The following GRK5 variants were observed in gnomAD, a reference collection of about 807,000 sequenced individuals.
The protein encoded by GRK5 is g protein-coupled receptor kinase GRK5.
Under a neutral mutation model 78.4 loss-of-function variants are expected in GRK5, and 40 were observed. The ratio of observed to expected loss-of-function variants is 0.51; its 90% CI spans 0.40 to 0.66. GRK5 has a LOEUF of 0.66. Among genes scored for constraint, GRK5 ranks in the 30% least tolerant of loss-of-function variants. The probability of loss-of-function intolerance (pLI) is 0.00; values close to 1 mark genes in which losing one functional copy is unlikely to be tolerated. For missense variants in GRK5, 598 were observed against 759.9 expected, an observed-to-expected ratio of 0.79 and a Z score of 2.50; for synonymous variants, 289 against 296.8, an observed-to-expected ratio of 0.97 and a Z score of 0.27.
At chr10:119,252,550 AC>A (rs1849221151) in intron 1 of GRK5, among the ~76,000 whole-genome samples, 1 of 151,818 alleles carries the variant, frequency 6.6e-6, no homozygotes, top group Non-Finnish European at 1.5e-5. Context: ...TTTTAGTTCT[AC>A]CCCGGGTAGC....
At chr10:119,329,404 C>T (rs929650594) in intron 2 of GRK5, among the ~76,000 whole-genome samples, 22 of 152,082 alleles carry the variant, frequency 1.4e-4, no homozygotes, top group African/African-American at 5.3e-4. Context: ...GGCTGGGGAC[C>T]TCGAGCCATG....
intron 3 of GRK5, among the ~76,000 whole-genome samples, chr10:119,392,318 T>G (rs1435514984): frequency 6.6e-6 from 1 of 152,232 alleles, no homozygotes; most frequent in Non-Finnish European, 1.5e-5. Flanking sequence ...TAAATCACAA[T>G]GCAGGGAGAA....
chr10:119,208,013 C>T, intron 1 of GRK5, 44 bp downstream of exon 1: 1 of 1,581,046 alleles, frequency 6.3e-7, no homozygotes, highest in South Asian at 1.1e-5. Flanking sequence ...CCGCCGCGGG[C>T]CAGGGTGCGG....
intron 1 of GRK5, among the ~76,000 whole-genome samples, chr10:119,214,015 C>T (rs1589682304): frequency 6.6e-6 from 1 of 152,168 alleles, no homozygotes. Flanking sequence ...TGCTCTGTCG[C>T]GCAGGCTAGA....
chr10:119,358,583 C>A (rs1265993089), intron 2 of GRK5, among the ~76,000 whole-genome samples: 1 of 152,176 alleles, frequency 6.6e-6, no homozygotes, highest in Non-Finnish European at 1.5e-5. Context: ...CTTCCACAGG[C>A]CTCTCAGGGA....
At chr10:119,257,241 T>C (rs1350300436) in intron 1 of GRK5, among the ~76,000 whole-genome samples, 3 of 152,224 alleles carry the variant, frequency 2.0e-5, no homozygotes, top group East Asian at 3.8e-4. Context: ...TGGTCAGTGT[T>C]CTCCACCTGT....
At chr10:119,441,901 A>C in intron 10 of GRK5, 98 bp from the exon 11 acceptor site, 1 of 889,264 alleles carries the variant, frequency 1.1e-6, no homozygotes, top group Non-Finnish European at 1.9e-6. Flanking sequence ...GACAGATGAG[A>C]ATGCCGAGAG....
chr10:119,233,243 A>G (rs999595598), intron 1 of GRK5, among the ~76,000 whole-genome samples: 1 of 151,744 alleles, frequency 6.6e-6, no homozygotes, highest in African/African-American at 2.4e-5. Flanking sequence ...TTGGGGGACC[A>G]CTCCTCCCTG....
chr10:119,373,369 C>A (rs1589770784), intron 2 of GRK5, among the ~76,000 whole-genome samples: 1 of 152,120 alleles, frequency 6.6e-6, no homozygotes, highest in East Asian at 1.9e-4. Flanking sequence ...TGGGAGGGAC[C>A]TGTTGGGAGG....
At chr10:119,275,606 C>CTG (rs1849656546) in intron 1 of GRK5, among the ~76,000 whole-genome samples, 1 of 137,826 alleles carries the variant, frequency 7.3e-6, no homozygotes, top group Admixed American at 7.7e-5. Flanking sequence ...CTCTCTCTCT[C>CTG]TCTCTCGCAC....
At chr10:119,304,254 G>GCAA (rs1850234409) in intron 1 of GRK5, among the ~76,000 whole-genome samples, 1 of 150,976 alleles carries the variant, frequency 6.6e-6, no homozygotes, top group Non-Finnish European at 1.5e-5. Context: ...GGAAAGCAGG[G>GCAA]CAACAGCAGT....
At chr10:119,344,930 C>CTTCCTTCCTTCCTTCT (rs1313368036) in intron 2 of GRK5, among the ~76,000 whole-genome samples, 53 of 135,582 alleles carry the variant, frequency 3.9e-4, no homozygotes, top group African/African-American at 1.4e-3. Flanking sequence ...TCCTTCCTTC[C>CTTCCTTCCTTCCTTCT]TTCCTTTTCC....
In GRK5 at chr10:119,443,738, T is replaced by C; in HGVS notation, c.1252T>C (p.Ser418Pro). The change falls in exon 12 of 16, where the codon TCC becomes CCC. Residue 418 changes from serine to proline, a missense_variant. Ser to Pro is a moderately conservative substitution (Grantham distance 74). Transcript: ENST00000392870. ...CCACAAGTTCTCCGAGGAGGCCAAGTCCATCTGCAAGATGGTGAGCTCCTG... is the reference window on the plus strand; with the variant it reads ...CCACAAGTTCTCCGAGGAGGCCAAGCCCATCTGCAAGATGGTGAGCTCCTG... ...YSHKFSEEAKSICKMLLTKDA... is the reference protein window; with the variant it reads ...YSHKFSEEAKPICKMLLTKDA... 1 of 1,601,238 alleles carries C rather than the reference T, an allele frequency of 6.2e-7. No individual in the cohort carries two copies.
At chr10:119,225,974 G>T (rs551490678) in intron 1 of GRK5, among the ~76,000 whole-genome samples, 5 of 151,242 alleles carry the variant, frequency 3.3e-5, no homozygotes, top group Admixed American at 6.6e-5. Flanking sequence ...TCAGCCTCCC[G>T]TGTAGCTGGG....
In GRK5 at chr10:119,455,942, T is replaced by G. The variant is rs1449009831; in HGVS notation, c.*875T>G. ...TCTTTCCTTCTAAGCAGGTCCTGAC[T>G]GCTAAAGCCAGTCATTTGCAAGAGG... On this transcript the variant is annotated 3_prime_UTR_variant, in exon 16 of 16. Coordinates refer to ENST00000392870, the MANE Select transcript of GRK5 (RefSeq NM_005308.3). 1 of 152,586 alleles carries G rather than the reference T, an allele frequency of 6.6e-6. No homozygotes were observed. Among genetic ancestry groups the G allele is most frequent in the African/African-American group, 2.4e-5 (1 of 41,468 alleles). The allele number at this position is 152,586 out of a possible 1,614,324, so 9.5% of individuals were successfully genotyped here. A position where few individuals can be genotyped will look rare whatever the true frequency, so the allele number is the denominator to read the frequency against.
rs1372694572 is a variant in GRK5 at position 119,457,060 on chromosome 10, A to G, written c.*1993A>G. On this transcript the variant is annotated 3_prime_UTR_variant, in exon 16 of 16. Transcript: ENST00000392870. ...CCATTACCTTTCTTGGGCTGAATGC[A>G]AAACAAATACAGCCACATTCAAGTC... is the stretch of plus-strand genomic sequence containing the variant. The G allele has an allele frequency of 2.0e-5, 3 of 152,236 alleles. No individual in the cohort carries two copies. Among genetic ancestry groups the G allele is most frequent in the Non-Finnish European group, 2.9e-5 (2 of 68,034 alleles). 9.4% of individuals were successfully genotyped at this position (152,236 alleles called of 1,614,324 possible). A position where few individuals can be genotyped will look rare whatever the true frequency, so the allele number is the denominator to read the frequency against.
At chr10:119,319,470 C>T (rs1589742300) in intron 1 of GRK5, among the ~76,000 whole-genome samples, 1 of 152,258 alleles carries the variant, frequency 6.6e-6, no homozygotes, top group East Asian at 1.9e-4. Context: ...TGCCATTTTC[C>T]CTTGCCTGGC....
intron 2 of GRK5, among the ~76,000 whole-genome samples, chr10:119,377,742 G>T (rs1480961939): frequency 3.9e-5 from 6 of 152,192 alleles, no homozygotes; most frequent in African/African-American, 1.4e-4. Context: ...ACCCTTAAGG[G>T]ATCACAATAT....
chr10:119,312,596 G>A (rs1261635957), intron 1 of GRK5, among the ~76,000 whole-genome samples: 1 of 152,226 alleles, frequency 6.6e-6, no homozygotes, highest in Non-Finnish European at 1.5e-5. Context: ...ACATGCCTGG[G>A]GTGTTTGAGG....
Sources: gnomAD v4.1 joint callset for allele counts (sites outside exome capture counted in the v4.1 genomes callset) on GRCh38, gnomAD v4.1.1 for gene constraint, MANE v1.5 for transcripts, NCBI Gene and HGNC (gene_info 2026-07-23, HGNC 2026-07-21) for gene names.